TRPM3: variants seen among roughly 807,000 people sequenced by gnomAD.
The protein encoded by TRPM3 is transient receptor potential cation channel subfamily M member 3.
A neutral mutation model predicts 181.2 loss-of-function variants in TRPM3; 77 were observed. The ratio of observed to expected loss-of-function variants is 0.42; its 90% CI spans 0.35 to 0.51. The LOEUF is 0.51. Among genes scored for constraint, TRPM3 ranks in the 20% least tolerant of loss-of-function variants. The pLI is 0.01. For synonymous variants in TRPM3, 745 were observed against 796.4 expected, an observed-to-expected ratio of 0.94 and a Z score of 1.09; for missense variants, 1,759 against 2,196.7, an observed-to-expected ratio of 0.80 and a Z score of 3.98.
At chr9:70,649,097 A>G (rs963479474) in intron 9 of TRPM3, among the ~76,000 whole-genome samples, 1 of 152,210 alleles carries the variant, frequency 6.6e-6, no homozygotes, top group East Asian at 1.9e-4. Flanking sequence ...TATACATCCA[A>G]CAAAGGTCTA....
chr9:70,626,296 C>T (rs114980467), intron 12 of TRPM3, among the ~76,000 whole-genome samples: 2,844 of 152,278 alleles, frequency 0.019, 93 homozygotes, highest in African/African-American at 0.064. Context: ...CATGATTAAT[C>T]CACTCTCACT....
intron 1 of TRPM3, among the ~76,000 whole-genome samples, chr9:70,933,315 T>A (rs2096793406): frequency 6.6e-6 from 1 of 152,272 alleles, no homozygotes; most frequent in Admixed American, 6.5e-5. Context: ...ATAGATGTGA[T>A]TACCCAGACA....
At chr9:70,668,689 A>AAAAAAAAAG (rs2062304198) in intron 9 of TRPM3, among the ~76,000 whole-genome samples, 1 of 150,932 alleles carries the variant, frequency 6.6e-6, no homozygotes, top group African/African-American at 2.4e-5. Context: ...AAAAAAAAAA[A>AAAAAAAAAG]AAAAAAAAGA....
chr9:70,806,445 C>A (rs1043706390), intron 6 of TRPM3, among the ~76,000 whole-genome samples: 6 of 152,140 alleles, frequency 3.9e-5, no homozygotes, highest in Non-Finnish European at 7.3e-5. Flanking sequence ...GTAATCCCAG[C>A]ACTTTCGGAG....
At position 71,433,073 on chromosome 9, in the gene TRPM3, A is replaced by C. The variant is rs957369409; in HGVS notation, c.183+13580T>G. Among the ~76,000 whole-genome samples the C allele has an allele frequency of 3.2e-4, 48 of 152,196 alleles. 1 individual carries two copies. The highest frequency in any genetic ancestry group is 3.2e-4 in the Non-Finnish European group (22 of 68,038). ...TCCAAGTCTTTTTGCCTTTGTCTTC[A>C]TTTCTATGCTGTGCTATGAATATAA... On this transcript the variant is annotated intron_variant, in intron 1 of 24. Coordinates refer to the TRPM3 transcript ENST00000357533.
At chr9:70,607,005 C>CTGTGTCCTCTGACCT (rs1222454049) in intron 19 of TRPM3, among the ~76,000 whole-genome samples, 27 of 152,202 alleles carry the variant, frequency 1.8e-4, no homozygotes, top group Non-Finnish European at 3.7e-4. Flanking sequence ...AGAGCACACA[C>CTGTGTCCTCTGACCT]TGTGTCCTCT....
chr9:70,981,469 G>A (rs888980489), intron 1 of TRPM3, among the ~76,000 whole-genome samples: 2 of 152,152 alleles, frequency 1.3e-5, no homozygotes, highest in African/African-American at 4.8e-5. Flanking sequence ...AGTGTGAAAG[G>A]AGACATTTGC....
intron 1 of TRPM3, among the ~76,000 whole-genome samples, chr9:71,393,171 G>T (rs1311162396): frequency 6.6e-6 from 1 of 152,152 alleles, no homozygotes; most frequent in East Asian, 1.9e-4. Context: ...CAGGCCAAGG[G>T]AGTCAGAGAA....
chr9:71,215,289 C>A (rs1350317765), intron 1 of TRPM3, among the ~76,000 whole-genome samples: 1 of 152,144 alleles, frequency 6.6e-6, no homozygotes, highest in Non-Finnish European at 1.5e-5. Context: ...GAAGAGTGTG[C>A]ATTGCAAAAC....
At chr9:70,581,891 C>T (rs1017321505) in intron 22 of TRPM3, among the ~76,000 whole-genome samples, 1 of 150,992 alleles carries the variant, frequency 6.6e-6, no homozygotes, top group Non-Finnish European at 1.5e-5. Context: ...TCCCTCCCTC[C>T]CTTCCTCCTT....
chr9:70,540,180 C>A (rs1283754928), intron 25 of TRPM3, among the ~76,000 whole-genome samples: 1 of 152,158 alleles, frequency 6.6e-6, no homozygotes, highest in African/African-American at 2.4e-5. Context: ...TCATTGAAGT[C>A]CAGAGGAGGA....
chr9:70,886,611 G>C (rs1397769335), intron 1 of TRPM3, among the ~76,000 whole-genome samples: 1 of 152,128 alleles, frequency 6.6e-6, no homozygotes, highest in Non-Finnish European at 1.5e-5. Context: ...ACTGGGGATG[G>C]CGATCCTCTG....
intron 1 of TRPM3, among the ~76,000 whole-genome samples, chr9:71,295,838 C>CA (rs11383819): frequency 0.57 from 49,010 of 86,402 alleles, 12,609 homozygotes; most frequent in Middle Eastern, 0.73. Flanking sequence ...GATCCCGTCT[C>CA]AAAAAAAAAA....
chr9:70,856,861 T>C (rs1589282146), intron 3 of TRPM3, among the ~76,000 whole-genome samples: 1 of 152,144 alleles, frequency 6.6e-6, no homozygotes. Context: ...GTTACACTTA[T>C]TTACCTGGCC....
chr9:70,795,810 A>G (rs968979898), intron 6 of TRPM3, among the ~76,000 whole-genome samples: 14 of 152,214 alleles, frequency 9.2e-5, no homozygotes, highest in African/African-American at 3.1e-4. Context: ...TTGTGGCCAG[A>G]TGGCTCTGAT....
chr9:70,757,535 A>G (rs1183921678), intron 8 of TRPM3, among the ~76,000 whole-genome samples: 2 of 152,218 alleles, frequency 1.3e-5, no homozygotes, highest in Non-Finnish European at 2.9e-5. Flanking sequence ...CAACAACAAA[A>G]AAGGAAAATT....
At chr9:71,275,770 C>A (rs1477817571) in intron 1 of TRPM3, among the ~76,000 whole-genome samples, 1 of 151,806 alleles carries the variant, frequency 6.6e-6, no homozygotes, top group Admixed American at 6.6e-5. Context: ...ATAGAGAGCC[C>A]CAAAATAGAA....
At chr9:71,317,612 A>C (rs997068818) in intron 1 of TRPM3, among the ~76,000 whole-genome samples, 9 of 151,368 alleles carry the variant, frequency 5.9e-5, no homozygotes, top group Non-Finnish European at 8.8e-5. Context: ...CTACACTCCA[A>C]CCTGGATGAC....
chr9:71,181,744 T>G (rs999353528), intron 1 of TRPM3, among the ~76,000 whole-genome samples: 16 of 152,180 alleles, frequency 1.1e-4, no homozygotes, highest in African/African-American at 3.9e-4. Context: ...TCTCGTTATC[T>G]GCCGTACACA....
Sources: gnomAD v4.1 joint callset for allele counts (sites outside exome capture counted in the v4.1 genomes callset) on GRCh38, gnomAD v4.1.1 for gene constraint, MANE v1.5 for transcripts, NCBI Gene and HGNC (gene_info 2026-07-23, HGNC 2026-07-21) for gene names.